The following MYRIP variants were observed in gnomAD, a reference collection of about 807,000 sequenced individuals.
MYRIP encodes the protein rab effector MyRIP.
A neutral mutation model predicts 98.0 loss-of-function variants in MYRIP; 49 were observed. The ratio of observed to expected loss-of-function variants is 0.50; its 90% confidence interval spans 0.40 to 0.63. The LOEUF (loss-of-function observed/expected upper bound fraction) is 0.63, where lower values mean the gene tolerates loss of function less well. Among genes scored for constraint, MYRIP ranks in the 30% least tolerant of loss-of-function variants. The pLI is 0.00. For synonymous variants in MYRIP, 404 were observed against 409.5 expected (o/e 0.99, Z 0.16); for missense variants, 1,004 against 1,058.2 (o/e 0.95, Z 0.71).
intron 3 of MYRIP, among the ~76,000 whole-genome samples, chr3:40,051,564 C>T (rs112241526): frequency 4.6e-5 from 7 of 152,096 alleles, no homozygotes; most frequent in South Asian, 2.1e-4. Context: ...TTGTGATATT[C>T]GCTTTATTGT....
intron 1 of MYRIP, among the ~76,000 whole-genome samples, chr3:39,818,223 A>G (rs1237283809): frequency 2.0e-5 from 3 of 152,158 alleles, no homozygotes; most frequent in Admixed American, 2.0e-4. Flanking sequence ...TTTGATATAT[A>G]TTTTCAAATA....
intron 1 of MYRIP, among the ~76,000 whole-genome samples, chr3:39,814,450 G>A (rs945842024): frequency 6.6e-6 from 1 of 151,890 alleles, no homozygotes; most frequent in Non-Finnish European, 1.5e-5. Flanking sequence ...TTTCATAGTT[G>A]GGTCTTTGAA....
chr3:40,118,642 G>A (rs1949331664), intron 3 of MYRIP, among the ~76,000 whole-genome samples: 1 of 148,822 alleles, frequency 6.7e-6, no homozygotes, highest in Non-Finnish European at 1.5e-5. Flanking sequence ...TAGGGTACAT[G>A]TGCACAACAT....
At chr3:39,859,196 G>A (rs914956469) in intron 1 of MYRIP, among the ~76,000 whole-genome samples, 1 of 150,332 alleles carries the variant, frequency 6.7e-6, no homozygotes, top group Non-Finnish European at 1.5e-5. Context: ...AATGAAACAG[G>A]ATACAACTGA....
intron 8 of MYRIP, chr3:40,173,515 G>A (rs1332830242): frequency 2.0e-5 from 3 of 152,242 alleles, no homozygotes; most frequent in Non-Finnish European, 2.9e-5. Context: ...CAAAACAGTG[G>A]GCACAACAGT....
chr3:39,916,918 G>A (rs1030455479), intron 2 of MYRIP, among the ~76,000 whole-genome samples: 1 of 151,904 alleles, frequency 6.6e-6, no homozygotes, highest in Non-Finnish European at 1.5e-5. Context: ...ACAGCCCAAG[G>A]GAAAACATGC....
chr3:40,076,594 G>A (rs1948347041), intron 3 of MYRIP, among the ~76,000 whole-genome samples: 2 of 152,326 alleles, frequency 1.3e-5, no homozygotes, highest in Non-Finnish European at 2.9e-5. Flanking sequence ...AGAAGGGGAG[G>A]AGAGCATGGA....
At chr3:39,940,726 C>A (rs768215319) in intron 2 of MYRIP, among the ~76,000 whole-genome samples, 34 of 152,070 alleles carry the variant, frequency 2.2e-4, no homozygotes, top group Non-Finnish European at 4.4e-4. Context: ...TTAAAGCAAA[C>A]AATAGACTAA....
chr3:39,909,857 C>G (rs779609893), intron 2 of MYRIP, among the ~76,000 whole-genome samples: 1 of 151,386 alleles, frequency 6.6e-6, no homozygotes, highest in Non-Finnish European at 1.5e-5. Context: ...TCCCTTTATC[C>G]CAACAATCCT....
intron 16 of MYRIP, among the ~76,000 whole-genome samples, chr3:40,255,826 G>A (rs888507335): frequency 1.3e-5 from 2 of 152,210 alleles, no homozygotes; most frequent in African/African-American, 4.8e-5. Context: ...TAATTAAGAT[G>A]TTTATCTAAC....
chr3:39,921,008 G>T (rs893887531), intron 2 of MYRIP, among the ~76,000 whole-genome samples: 9 of 152,248 alleles, frequency 5.9e-5, no homozygotes, highest in East Asian at 5.8e-4. Flanking sequence ...TGCCATTTTT[G>T]GGAATGACAA....
At chr3:40,178,323 A>G (rs2125610554) in intron 8 of MYRIP, among the ~76,000 whole-genome samples, 1 of 152,356 alleles carries the variant, frequency 6.6e-6, no homozygotes, top group Middle Eastern at 3.4e-3. Context: ...AACAAAAGTA[A>G]CTGATGATCA....
rs1311982196 is a variant in MYRIP at position 40,162,105 on chromosome 3, C to A, written c.470-625C>A. Among the ~76,000 whole-genome samples the A allele has an allele frequency of 4.6e-5, 7 of 152,204 alleles. No individual in the cohort carries two copies. The East Asian group carries it at 1.3e-3, about 29-fold the overall frequency. On this transcript the variant is annotated intron_variant, in intron 4 of 16. Coordinates refer to ENST00000302541, the MANE Select transcript of MYRIP (RefSeq NM_015460.4). ...CACTCCCTACACCTCTTGGCTGATT[C>A]TTCACTGCTTAGGTCCGCCTTCCCT...
intron 2 of MYRIP, among the ~76,000 whole-genome samples, chr3:39,981,217 A>T (rs1474895252): frequency 1.3e-5 from 2 of 152,190 alleles, no homozygotes; most frequent in African/African-American, 2.4e-5. Context: ...AGAGTTAAAG[A>T]TAAATGAAAA....
At chr3:39,871,007 C>G (rs141328942) in intron 1 of MYRIP, among the ~76,000 whole-genome samples, 166 of 152,276 alleles carry the variant, frequency 1.1e-3, no homozygotes, top group African/African-American at 3.8e-3. Flanking sequence ...TTATTCTGTC[C>G]AGTCCATTTT....
Position 40,244,586 on chromosome 3 carries a change from A to G in MYRIP, c.2241A>G (p.Gln747=), listed in dbSNP as rs1953126426. Reference sequence around the variant, plus strand: ...ACCAGGTGGCCACGGCTGCAGCCCAAGTCCACCATGCTGAACTCCAGGTGA... The same window carrying G: ...ACCAGGTGGCCACGGCTGCAGCCCAGGTCCACCATGCTGAACTCCAGGTGA... ...LEDQVATAAA[Q]VHHAELQISD... The change falls in exon 13 of 17, where the codon CAA becomes CAG. Residue 747 remains glutamine, a synonymous_variant. Coordinates refer to ENST00000302541, the MANE Select transcript of MYRIP (RefSeq NM_015460.4). 6.2e-7 allele frequency: 1 copy of G among 1,613,364 alleles called. No individual in the cohort carries two copies. Among genetic ancestry groups the G allele is most frequent in the South Asian group, 1.1e-5 (1 of 90,944 alleles).
chr3:40,139,281 T>C (rs1949845725), intron 3 of MYRIP, among the ~76,000 whole-genome samples: 1 of 152,204 alleles, frequency 6.6e-6, no homozygotes, highest in South Asian at 2.1e-4. Flanking sequence ...AAGAGTATGT[T>C]GCATCCATTT....
chr3:40,016,759 C>T (rs147869637), intron 2 of MYRIP, among the ~76,000 whole-genome samples: 11 of 152,358 alleles, frequency 7.2e-5, no homozygotes, highest in African/African-American at 2.6e-4. Context: ...TAATGTCTCC[C>T]AACCCCTCAG....
chr3:39,941,406 T>C (rs556902941), intron 2 of MYRIP, among the ~76,000 whole-genome samples: 2 of 151,798 alleles, frequency 1.3e-5, no homozygotes, highest in Admixed American at 6.6e-5. Flanking sequence ...ACCTCCAACA[T>C]TGGGAATCAC....
Sources: gnomAD v4.1 joint callset for allele counts (sites outside exome capture counted in the v4.1 genomes callset) on GRCh38, gnomAD v4.1.1 for gene constraint, MANE v1.5 for transcripts, NCBI Gene and HGNC (gene_info 2026-07-23, HGNC 2026-07-21) for gene names.